The following OSBPL9 variants were observed in gnomAD, a reference collection of about 807,000 sequenced individuals.
The protein encoded by OSBPL9 is oxysterol binding protein like 9, also known as oxysterol-binding protein-related protein 9.
In OSBPL9, 40 loss-of-function variants were observed where a neutral mutation model predicts 106.6. The observed-to-expected ratio is 0.38, with a 90% confidence interval of 0.29 to 0.49. OSBPL9 has a LOEUF of 0.49. OSBPL9 is among the 20% of genes least tolerant of loss of function. The probability of loss-of-function intolerance (pLI) is 0.97; values close to 1 mark genes in which losing one functional copy is unlikely to be tolerated. For missense variants in OSBPL9, 609 were observed against 887.2 expected, an observed-to-expected ratio of 0.69 and a Z score of 3.98; for synonymous variants, 269 against 295.4, an observed-to-expected ratio of 0.91 and a Z score of 0.92.
At chr1:51,683,169 C>A (rs1237212754) in intron 3 of OSBPL9, among the ~76,000 whole-genome samples, 1 of 151,682 alleles carries the variant, frequency 6.6e-6, no homozygotes, top group Non-Finnish European at 1.5e-5. Flanking sequence ...ACCACCATGC[C>A]CAGTTGAGAC....
chr1:51,715,164 G>A (rs1475552100), intron 4 of OSBPL9, among the ~76,000 whole-genome samples: 2 of 152,078 alleles, frequency 1.3e-5, no homozygotes. Flanking sequence ...GGTATCTTAG[G>A]CCCTACAAGA....
intron 1 of OSBPL9, among the ~76,000 whole-genome samples, chr1:51,646,129 A>G (rs1024065038): frequency 1.3e-5 from 2 of 152,176 alleles, no homozygotes; most frequent in Non-Finnish European, 2.9e-5. Flanking sequence ...TTTTAGCATC[A>G]GCTTATCAAT....
the OSBPL9 span, among the ~76,000 whole-genome samples, chr1:51,539,423 T>G: frequency 6.6e-6 from 1 of 152,196 alleles, no homozygotes; most frequent in Non-Finnish European, 1.5e-5. Flanking sequence ...ACTTCACTCG[T>G]CATCTCTTAC....
intron 2 of OSBPL9, among the ~76,000 whole-genome samples, chr1:51,663,353 A>G (rs550726036): frequency 1.2e-4 from 19 of 152,042 alleles, no homozygotes; most frequent in South Asian, 4.2e-4. Flanking sequence ...CTAAAAATTT[A>G]TGAAGAGTCA....
intron 1 of OSBPL9, among the ~76,000 whole-genome samples, chr1:51,627,518 T>C (rs1644839041): frequency 6.6e-6 from 1 of 152,256 alleles, no homozygotes; most frequent in African/African-American, 2.4e-5. Context: ...ACGCCTGTAC[T>C]ATACTGTCTC....
intron 15 of OSBPL9, 145 bp downstream of exon 15, chr1:51,777,063 G>A: frequency 1.6e-6 from 1 of 627,904 alleles, no homozygotes; most frequent in South Asian, 2.4e-5. Context: ...TGTTTACACT[G>A]GTTGCCTGTT....
the OSBPL9 span, among the ~76,000 whole-genome samples, chr1:51,520,054 A>G: frequency 6.6e-6 from 1 of 152,180 alleles, no homozygotes; most frequent in Non-Finnish European, 1.5e-5. Flanking sequence ...CTCCTTTGCA[A>G]AGTATCTTTT....
At chr1:51,720,189 G>A (rs1351260510) in intron 4 of OSBPL9, among the ~76,000 whole-genome samples, 1 of 152,186 alleles carries the variant, frequency 6.6e-6, no homozygotes, top group Non-Finnish European at 1.5e-5. Context: ...AACAGTGTGT[G>A]GCTATACAAA....
rs148360474 is a variant in OSBPL9, at chr1:51,593,781, G to A, written c.-422-4343G>A. Among the ~76,000 whole-genome samples, 95 of 152,074 alleles carry A rather than the reference G, an allele frequency of 6.2e-4. 1 individual carries two copies. The East Asian group carries it at 0.015, about 24-fold the overall frequency. ...TTTAGGTAAGTAAGATTGGGAATTT[G>A]AGTCTCAGAAATGGGAAAAGGCTTA... On this transcript the variant is annotated intron_variant, in intron 1 of 25. Transcript: ENST00000371714.
rs1304271686 is a variant in OSBPL9, at chr1:51,669,456, A to G, written c.185A>G (p.Asp62Gly). ...CAGGGAGCTGTGATTGGTATAGACG[A>G]TGAGGACGACAGCACCTTCACAATA... ...RLRGAVIGID[D>G]EDDSTFTITV... Residue 62 changes from aspartate (D) to glycine (G), a missense_variant, in exon 3 of 24, where the codon GAT becomes GGT. Around this residue, in one of 5 missense-constraint regions of OSBPL9, gnomAD observed 72 missense variants for 140.5 expected, o/e 0.51. Coordinates refer to ENST00000428468, the MANE Select transcript of OSBPL9 (RefSeq NM_024586.6). 1 of 1,613,982 alleles carries G rather than the reference A, an allele frequency of 6.2e-7. No homozygotes were observed. Among genetic ancestry groups the G allele is most frequent in the Admixed American group, 1.7e-5 (1 of 60,006 alleles).
chr1:51,630,615 A>C (rs1175858008), intron 1 of OSBPL9, among the ~76,000 whole-genome samples: 1 of 152,194 alleles, frequency 6.6e-6, no homozygotes, highest in Non-Finnish European at 1.5e-5. Context: ...GTGGTGAGTG[A>C]ATGTGAAGGC....
At chr1:51,597,041 A>G (rs533215652) in intron 1 of OSBPL9, among the ~76,000 whole-genome samples, 1 of 152,158 alleles carries the variant, frequency 6.6e-6, no homozygotes, top group Admixed American at 6.5e-5. Flanking sequence ...TTTGGTTGCC[A>G]TGTATTCATC....
At chr1:51,588,637 T>TG (rs1645258809) in intron 1 of OSBPL9, among the ~76,000 whole-genome samples, 1 of 151,710 alleles carries the variant, frequency 6.6e-6, no homozygotes, top group Non-Finnish European at 1.5e-5. Context: ...GGTGACAGAG[T>TG]GAAATCCTGT....
rs138067657 is a variant in OSBPL9, at chr1:51,671,846, G to A, written c.241+2334G>A. 2.2e-3 allele frequency among the ~76,000 whole-genome samples: 331 copies of A among 152,238 alleles called. 11 individuals carry two copies. The East Asian group carries it at 0.052, about 24-fold the overall frequency. ...AACAAAGTATATGGCTATGTTGGTG[G>A]GGGAGGTGGGGTGAATACATCATTT... On this transcript the variant is annotated intron_variant, in intron 3 of 23. Transcript: ENST00000428468.
chr1:51,552,344 C>G, the OSBPL9 span, among the ~76,000 whole-genome samples: 2 of 152,064 alleles, frequency 1.3e-5, no homozygotes, highest in African/African-American at 4.8e-5. Flanking sequence ...TAATAGCTAC[C>G]ATGTATTGAG....
chr1:51,635,708 A>G (rs1645388439), intron 1 of OSBPL9, among the ~76,000 whole-genome samples: 1 of 152,000 alleles, frequency 6.6e-6, no homozygotes, highest in Non-Finnish European at 1.5e-5. Flanking sequence ...GGTTCTCTCC[A>G]CTCACCTGTT....
At chr1:51,528,217 T>C in the OSBPL9 span, among the ~76,000 whole-genome samples, 1 of 151,650 alleles carries the variant, frequency 6.6e-6, no homozygotes, top group Non-Finnish European at 1.5e-5. Context: ...AACATCCATA[T>C]TGAAACAGAA....
intron 8 of OSBPL9, among the ~76,000 whole-genome samples, chr1:51,751,658 G>A (rs1346673960): frequency 6.6e-6 from 1 of 152,152 alleles, no homozygotes; most frequent in East Asian, 1.9e-4. Flanking sequence ...GAGTGACTAG[G>A]TATTTTAGGG....
At chr1:51,667,025 CTTAATAG>C (rs2148754131) in intron 2 of OSBPL9, among the ~76,000 whole-genome samples, 1 of 152,262 alleles carries the variant, frequency 6.6e-6, no homozygotes. Flanking sequence ...AGTTGGTGAA[CTTAATAG>C]TTGAGAGGTA....
Sources: allele counts gnomAD v4.1 joint callset (sites outside exome capture counted in the v4.1 genomes callset), GRCh38; gene constraint gnomAD v4.1.1; regional missense constraint gnomAD v4.1.1; transcripts MANE v1.5; gene names NCBI Gene and HGNC (gene_info 2026-07-23, HGNC 2026-07-21).